The following PTPN13 variants were observed in gnomAD, a reference collection of about 807,000 sequenced individuals.
The protein encoded by PTPN13 is tyrosine-protein phosphatase non-receptor type 13.
Under a neutral mutation model 284.0 loss-of-function variants are expected in PTPN13, and 191 were observed. The observed-to-expected ratio is 0.67, with a 90% confidence interval of 0.60 to 0.76. The LOEUF is 0.76. Ranked by LOEUF, PTPN13 falls within the 30% of genes least tolerant of loss-of-function variation. The probability of loss-of-function intolerance (pLI) is 0.00; values close to 1 mark genes in which losing one functional copy is unlikely to be tolerated. For synonymous variants in PTPN13, 986 were observed against 1,022.3 expected, an observed-to-expected ratio of 0.96 and a Z score of 0.68; for missense variants, 2,797 against 2,939.9, an observed-to-expected ratio of 0.95 and a Z score of 1.12.
intron 1 of PTPN13, among the ~76,000 whole-genome samples, chr4:86,625,029 A>G (rs2148677316): frequency 6.6e-6 from 1 of 152,280 alleles, no homozygotes; most frequent in South Asian, 2.1e-4. Context: ...AGGCCATTAG[A>G]CAAGAAGTCC....
chr4:86,647,075 G>T (rs1221646395), intron 2 of PTPN13, among the ~76,000 whole-genome samples: 1 of 152,094 alleles, frequency 6.6e-6, no homozygotes, highest in Non-Finnish European at 1.5e-5. Flanking sequence ...ATGATGATGG[G>T]GATGAAGCAG....
chr4:86,701,146 G>A lies in PTPN13; in HGVS notation c.635-95G>A, dbSNP rs185894872. 33 of 933,038 alleles carry A rather than the reference G, an allele frequency of 3.5e-5. No individual in the cohort carries two copies. The African/African-American group carries it at 5.2e-4, about 15-fold the overall frequency. The allele number at this position is 933,038 out of a possible 1,614,324, so 57.8% of individuals were successfully genotyped here. A position where few individuals can be genotyped will look rare whatever the true frequency, so the allele number is the denominator to read the frequency against. On this transcript the variant is annotated intron_variant, in intron 6 of 47. Coordinates refer to ENST00000411767, the MANE Select transcript of PTPN13 (RefSeq NM_080683.3). ...TCTGATCTTCCATTTGGAGCATTTA[G>A]GAAATTGCCACCACTTTCATTGTCA...
Position 86,807,583 on chromosome 4 carries a change from G to C in PTPN13, c.6769G>C (p.Gly2257Arg). 1 of 1,612,488 alleles carries C rather than the reference G, an allele frequency of 6.2e-7. No homozygotes were observed. Among genetic ancestry groups the C allele is most frequent in the Non-Finnish European group, 8.5e-7 (1 of 1,178,894 alleles). ...AGATGATGCTACAAGAGTGCCTCTT[G>C]GAGATGAAGGTGGCTATATCAATGC... is the stretch of plus-strand genomic sequence containing the variant. The part of the protein sequence containing the change: ...LPYDATRVPL[G>R]DEGGYINASF... The change falls in exon 45 of 48, where the codon GGA becomes CGA. Residue 2257 changes from glycine to arginine, a missense_variant. Physicochemically the swap from Gly to Arg is moderately radical, Grantham distance 125 (BLOSUM62 -2). Transcript: ENST00000411767.
At chr4:86,634,055 T>G (rs1376058937) in intron 1 of PTPN13, among the ~76,000 whole-genome samples, 2 of 152,188 alleles carry the variant, frequency 1.3e-5, no homozygotes, top group African/African-American at 4.8e-5. Context: ...AGGACAAGAC[T>G]GGCCTCATTT....
chr4:86,699,723 T>G (rs968276350), intron 6 of PTPN13, among the ~76,000 whole-genome samples: 1 of 152,216 alleles, frequency 6.6e-6, no homozygotes, highest in African/African-American at 2.4e-5. Flanking sequence ...TTCATCTATG[T>G]GTGGTTTATG....
intron 15 of PTPN13, among the ~76,000 whole-genome samples, chr4:86,741,015 C>T (rs951180118): frequency 6.6e-6 from 1 of 152,190 alleles, no homozygotes; most frequent in Non-Finnish European, 1.5e-5. Context: ...ACCACCTCAG[C>T]CTGGACCTTA....
chr4:86,738,541 C>T (rs976416804), intron 15 of PTPN13, among the ~76,000 whole-genome samples: 2 of 151,844 alleles, frequency 1.3e-5, no homozygotes, highest in Non-Finnish European at 2.9e-5. Flanking sequence ...AACTTTTTAC[C>T]CCCTTTTGTA....
intron 42 of PTPN13, among the ~76,000 whole-genome samples, chr4:86,801,805 T>G (rs1464279155): frequency 1.3e-5 from 2 of 152,204 alleles, no homozygotes; most frequent in African/African-American, 4.8e-5. Flanking sequence ...GAGCCCAGTT[T>G]AAGAAAAACT....
rs1008727978 is a variant in PTPN13 at position 86,672,346 on chromosome 4, T to C, written c.116-19T>C. 1.3e-6 allele frequency: 2 copies of C among 1,497,576 alleles called. No individual in the cohort carries two copies. Among genetic ancestry groups the C allele is most frequent in the South Asian group, 2.6e-5 (2 of 75,758 alleles). The allele number at this position is 1,497,576 out of a possible 1,614,324, so 92.8% of individuals were successfully genotyped here. ...TCTTCTTTTTTTTTATTTTTTATTT[T>C]GGTGCAATTACAAACCAGTAAGCCT... On this transcript the variant is annotated intron_variant, in intron 2 of 47. Coordinates refer to ENST00000411767, the MANE Select transcript of PTPN13 (RefSeq NM_080683.3).
chr4:86,653,706 G>A (rs190101928), intron 2 of PTPN13, among the ~76,000 whole-genome samples: 2 of 152,146 alleles, frequency 1.3e-5, no homozygotes, highest in Non-Finnish European at 2.9e-5. Context: ...TTCAAAAGAA[G>A]TGATCACAGT....
At chr4:86,744,335 C>A (rs1055455608) in intron 16 of PTPN13, among the ~76,000 whole-genome samples, 1 of 151,954 alleles carries the variant, frequency 6.6e-6, no homozygotes, top group African/African-American at 2.4e-5. Flanking sequence ...TAGAGTAGAA[C>A]ACATATTTAT....
At chr4:86,759,534 C>G (rs911994122) in intron 23 of PTPN13, among the ~76,000 whole-genome samples, 2 of 152,178 alleles carry the variant, frequency 1.3e-5, no homozygotes, top group Admixed American at 1.3e-4. Flanking sequence ...GATCTTTGCC[C>G]TGCTTTGTCT....
intron 1 of PTPN13, among the ~76,000 whole-genome samples, chr4:86,622,055 T>C (rs1208006588): frequency 6.6e-6 from 1 of 152,182 alleles, no homozygotes; most frequent in East Asian, 1.9e-4. Context: ...GCTAAAAACT[T>C]CTCTGCTTTG....
At chr4:86,617,934 A>T (rs985764157) in intron 1 of PTPN13, among the ~76,000 whole-genome samples, 2 of 151,390 alleles carry the variant, frequency 1.3e-5, no homozygotes, top group Admixed American at 6.6e-5. Flanking sequence ...GTTTAATTAG[A>T]TCCCATTTGT....
intron 37 of PTPN13, among the ~76,000 whole-genome samples, chr4:86,783,521 T>C (rs190047115): frequency 1.3e-5 from 2 of 152,202 alleles, no homozygotes; most frequent in Admixed American, 1.3e-4. Flanking sequence ...CATTTTTTGG[T>C]TGGAGTTAAA....
chr4:86,748,915 A>G (rs926227419), intron 17 of PTPN13, among the ~76,000 whole-genome samples: 1 of 152,156 alleles, frequency 6.6e-6, no homozygotes, highest in African/African-American at 2.4e-5. Context: ...TCAGCCTCCC[A>G]AAGTGCTGGG....
chr4:86,734,727 GT>G lies in PTPN13; in HGVS notation c.2013-4del. 6.2e-7 allele frequency: 1 copy of G among 1,602,894 alleles called. No homozygotes were observed. On this transcript the variant is annotated splice_polypyrimidine_tract_variant and intron_variant, in intron 13 of 47. Coordinates refer to ENST00000411767, the MANE Select transcript of PTPN13 (RefSeq NM_080683.3). Reference sequence around the variant, plus strand: ...AAGGCCAAGATGTCTGTGTGTGTTTGTTTTTTCAGACATACTCTGACGTGTC... The same window carrying G: ...AAGGCCAAGATGTCTGTGTGTGTTTGTTTTTCAGACATACTCTGACGTGTC...
At chr4:86,736,126 T>A (rs1735469957) in intron 15 of PTPN13, among the ~76,000 whole-genome samples, 1 of 152,178 alleles carries the variant, frequency 6.6e-6, no homozygotes, top group Non-Finnish European at 1.5e-5. Flanking sequence ...TGTTTTGCTT[T>A]TTCTCAAAAG....
chr4:86,709,121 A>T (rs1235078197), intron 7 of PTPN13, among the ~76,000 whole-genome samples: 1 of 152,026 alleles, frequency 6.6e-6, no homozygotes, highest in Non-Finnish European at 1.5e-5. Flanking sequence ...GCGTGGATAG[A>T]TAGATGATTG....
Sources: gnomAD v4.1 joint callset for allele counts (sites outside exome capture counted in the v4.1 genomes callset) on GRCh38, gnomAD v4.1.1 for gene constraint, MANE v1.5 for transcripts, NCBI Gene and HGNC (gene_info 2026-07-23, HGNC 2026-07-21) for gene names.